Variants in MMP14 observed in about 807,000 individuals in gnomAD.
MMP14 encodes matrix metallopeptidase 14.
In MMP14, 13 loss-of-function variants were observed where a neutral mutation model predicts 64.8. That is an observed-to-expected ratio of 0.20 (90% confidence interval 0.13 to 0.32). MMP14 has a LOEUF of 0.32. Among genes scored for constraint, MMP14 ranks in the 10% least tolerant of loss-of-function variants. The pLI is 1.00. For missense variants in MMP14, 594 were observed against 783.8 expected (o/e 0.76, Z 2.89); for synonymous variants, 322 against 315.9 (o/e 1.02, Z -0.20).
intron 1 of MMP14, chr14:22,837,574 C>T: frequency 2.8e-6 from 1 of 356,406 alleles, no homozygotes; most frequent in Admixed American, 3.7e-5. Flanking sequence ...TCCGTACACA[C>T]AAAGCTCTCC....
chr14:22,837,066 C>T, intron 1 of MMP14, 141 bp downstream of exon 1: 1 of 721,210 alleles, frequency 1.4e-6, no homozygotes. Context: ...CCCTCCCTTT[C>T]TTTTTCCTCT....
intron 1 of MMP14, chr14:22,837,578 G>C: frequency 5.6e-6 from 2 of 355,668 alleles, no homozygotes; most frequent in Non-Finnish European, 1.1e-5. Context: ...TACACACAAA[G>C]CTCTCCTTGT....
At chr14:22,838,558 C>G (rs1158654315) in intron 1 of MMP14, among the ~76,000 whole-genome samples, 1 of 152,226 alleles carries the variant, frequency 6.6e-6, no homozygotes. Flanking sequence ...CTAGGGGATA[C>G]CTTGCATCTC....
chr14:22,839,120 T>C (rs1196598363), intron 1 of MMP14, among the ~76,000 whole-genome samples: 1 of 152,246 alleles, frequency 6.6e-6, no homozygotes, highest in East Asian at 1.9e-4. Flanking sequence ...TCTGTCGTTC[T>C]GCTCTAGGCA....
At chr14:22,844,241 G>A in intron 6 of MMP14, 130 bp from the exon 7 acceptor site, 2 of 1,353,258 alleles carry the variant, frequency 1.5e-6, no homozygotes, top group South Asian at 2.8e-5. Context: ...GGGCGGCTGG[G>A]TGGAAGTGAC....
At chr14:22,837,154 T>C (rs1418869775) in intron 1 of MMP14, 3 of 680,392 alleles carry the variant, frequency 4.4e-6, no homozygotes, top group Non-Finnish European at 8.1e-6. Flanking sequence ...CCGCCGACTC[T>C]CCTTCCCATT....
chr14:22,845,104 T>C, intron 8 of MMP14, 147 bp from the exon 9 acceptor site: 1 of 642,040 alleles, frequency 1.6e-6, no homozygotes, highest in Non-Finnish European at 2.7e-6. Context: ...CTTCCGCCGC[T>C]TTCAGCAGCA....
At chr14:22,837,739 T>G (rs1160971322) in intron 1 of MMP14, among the ~76,000 whole-genome samples, 18 of 152,288 alleles carry the variant, frequency 1.2e-4, no homozygotes, top group East Asian at 7.8e-4. Context: ...TGGTCCGGGG[T>G]GCCCTCACGT....
intron 9 of MMP14, 132 bp downstream of exon 9, chr14:22,845,498 G>A: frequency 1.2e-6 from 1 of 851,512 alleles, no homozygotes; most frequent in Admixed American, 2.5e-5. Context: ...CAGGCGCTGG[G>A]CTAGGTGCTT....
At chr14:22,837,233 G>A in intron 1 of MMP14, 1 of 564,660 alleles carries the variant, frequency 1.8e-6, no homozygotes, top group Non-Finnish European at 3.4e-6. Flanking sequence ...CGATTCCCTT[G>A]GGCTCTGCTC....
At position 22,836,732 on chromosome 14, in the gene MMP14, CG is replaced by C. The variant is rs1163263865; in HGVS notation, c.-85del. The C allele has an allele frequency of 8.4e-6, 6 of 718,194 alleles. No homozygotes were observed. The highest frequency in any genetic ancestry group is 8.9e-6 in the Non-Finnish European group (4 of 448,568). The allele number at this position is 718,194 out of a possible 1,614,324, so 44.5% of individuals were successfully genotyped here. A position where few individuals can be genotyped will look rare whatever the true frequency, so the allele number is the denominator to read the frequency against. The stretch of plus-strand genomic sequence containing the variant: ...GTTCAGTGCCTACCGAAGACAAAGG[CG>C]CCCCGAGGGAGTGGCGGTGCGACCC... On this transcript the variant is annotated 5_prime_UTR_variant, in exon 1 of 10. Coordinates refer to ENST00000311852, the MANE Select transcript of MMP14 (RefSeq NM_004995.4).
chr14:22,844,920 A>G, intron 8 of MMP14, 140 bp downstream of exon 8: 15 of 1,196,572 alleles, frequency 1.3e-5, no homozygotes, highest in Non-Finnish European at 1.8e-5. Context: ...GCTGTTGCCT[A>G]GAAATGGGCA....
chr14:22,844,524 C>T lies in MMP14; in HGVS notation c.1150+15C>T. ...CTTCTTCAAAGGTAACCAGGCACTC[C>T]ACTTTAGTCTTTGGGAGTGAGGCGG... is the stretch of plus-strand genomic sequence containing the variant. On this transcript the variant is annotated intron_variant, in intron 7 of 9. Coordinates refer to ENST00000311852, the MANE Select transcript of MMP14 (RefSeq NM_004995.4). The T allele has an allele frequency of 6.2e-7, 1 of 1,614,088 alleles. No homozygotes were observed. The highest frequency in any genetic ancestry group is 1.1e-5 in the South Asian group (1 of 91,082).
chr14:22,845,241 C>A lies in MMP14; in HGVS notation c.1302-10C>A. 1 of 1,608,080 alleles carries A rather than the reference C, an allele frequency of 6.2e-7. No homozygotes were observed. The highest frequency in any genetic ancestry group is 1.1e-5 in the South Asian group (1 of 90,798). On this transcript the variant is annotated splice_polypyrimidine_tract_variant and intron_variant, in intron 8 of 9. Transcript: ENST00000311852. ...GTGTCCGCCACTGCCCTTCCTTTCC[C>A]CTTCCCCAGGTACTACCGTTTCAAC...
In MMP14 at chr14:22,843,426, G is replaced by A. The variant is rs757917193; in HGVS notation, c.850+8G>A. 7.5e-6 allele frequency: 12 copies of A among 1,610,318 alleles called. No individual in the cohort carries two copies. The South Asian group carries it at 1.3e-4, about 18-fold the overall frequency. ...GCATCCAGCAACTTTATGGCGAGTA[G>A]TCTACACCCACGCCTGCTCCCTCCT... On this transcript the variant is annotated splice_region_variant and intron_variant, in intron 5 of 9. Transcript: ENST00000311852. This position sits in a 1 kb window ranked among gnomAD's most constrained non-coding sequence, Gnocchi z 4.8.
chr14:22,841,544 A>G lies in MMP14; in HGVS notation c.162A>G (p.Thr54=), dbSNP rs150854926. Residue 54 remains threonine (T), a synonymous_variant, in exon 2 of 10, where the codon ACA becomes ACG. Coordinates refer to ENST00000311852, the MANE Select transcript of MMP14 (RefSeq NM_004995.4). ...CTCCCGGGGACCTACGTACCCACACACAGCGCTCACCCCAGTCACTCTCAG... is the reference window on the plus strand; with the variant it reads ...CTCCCGGGGACCTACGTACCCACACGCAGCGCTCACCCCAGTCACTCTCAG... ...YLPPGDLRTH[T]QRSPQSLSAA... is the part of the protein sequence containing the mutation. The G allele has an allele frequency of 3.7e-6, 6 of 1,613,948 alleles. No individual in the cohort carries two copies. In the African/African-American group the frequency reaches 5.3e-5, roughly 14 times the overall value.
chr14:22,841,518 C>T lies in MMP14; in HGVS notation c.136C>T (p.Pro46Ser), dbSNP rs200095510. 4.3e-6 allele frequency: 7 copies of T among 1,614,036 alleles called. No individual in the cohort carries two copies. Among genetic ancestry groups the T allele is most frequent in the Non-Finnish European group, 5.9e-6 (7 of 1,180,008 alleles). The stretch of plus-strand genomic sequence containing the variant: ...CTGGCTACAGCAATATGGCTACCTG[C>T]CTCCCGGGGACCTACGTACCCACAC... ...EAWLQQYGYL[P>S]PGDLRTHTQR... The change falls in exon 2 of 10, where the codon CCT becomes TCT. Residue 46 changes from proline (P) to serine (S), a missense_variant. Transcript: ENST00000311852.
In MMP14 at chr14:22,844,748, C is replaced by G; in HGVS notation, c.1269C>G (p.Pro423=). Residue 423 remains proline, a synonymous_variant, in exon 8 of 10, where the codon CCC becomes CCG. Transcript: ENST00000311852. ...DKIDAALFWM[P]NGKTYFFRGN... ...TTGATGCTGCTCTCTTCTGGATGCC[C>G]AATGGAAAGACCTACTTCTTCCGTG... is the stretch of plus-strand genomic sequence containing the variant. 1 of 1,614,086 alleles carries G rather than the reference C, an allele frequency of 6.2e-7. No homozygotes were observed. The highest frequency in any genetic ancestry group is 8.5e-7 in the Non-Finnish European group (1 of 1,180,006).
In MMP14 at chr14:22,837,475, A is replaced by G. The variant is rs1189854579; in HGVS notation, c.108+550A>G. The G allele has an allele frequency of 8.9e-6, 4 of 449,306 alleles. No homozygotes were observed. The Admixed American group carries it at 9.5e-5, about 11-fold the overall frequency. 27.8% of individuals were successfully genotyped at this position (449,306 alleles called of 1,614,324 possible). A position where few individuals can be genotyped will look rare whatever the true frequency, so the allele number is the denominator to read the frequency against. The stretch of plus-strand genomic sequence containing the variant: ...GGTGGACGGCCGAGCGTCCAGGGCC[A>G]CAGCCCCCGTCTCCCCGAGAGGACC... On this transcript the variant is annotated intron_variant, in intron 1 of 9. Transcript: ENST00000311852.
Sources: allele counts gnomAD v4.1 joint callset (sites outside exome capture counted in the v4.1 genomes callset), GRCh38; gene constraint gnomAD v4.1.1; non-coding constraint Gnocchi (gnomAD v3.1); transcripts MANE v1.5; gene names NCBI Gene and HGNC (gene_info 2026-07-23, HGNC 2026-07-21).